Variants in TOX observed in about 807,000 individuals in gnomAD.
TOX encodes the protein thymocyte selection associated high mobility group box, also known as thymocyte selection-associated high mobility group box protein TOX.
TOX carries 11 observed loss-of-function variants against 53.7 expected under a neutral mutation model. That is an observed-to-expected ratio of 0.20 (90% CI 0.13 to 0.34). The LOEUF (loss-of-function observed/expected upper bound fraction) is 0.34, where lower values mean the gene tolerates loss of function less well. Ranked by LOEUF, TOX falls within the 10% of genes least tolerant of loss-of-function variation. The pLI is 1.00. For synonymous variants in TOX, 225 were observed against 245.3 expected, an observed-to-expected ratio of 0.92 and a Z score of 0.77; for missense variants, 570 against 664.6, an observed-to-expected ratio of 0.86 and a Z score of 1.56.
intron 1 of TOX, among the ~76,000 whole-genome samples, chr8:59,012,259 A>G (rs758557998): frequency 3.9e-5 from 6 of 152,128 alleles, no homozygotes; most frequent in Non-Finnish European, 7.4e-5. Flanking sequence ...TTAGTTTAGA[A>G]CCACAGTCAG....
intron 3 of TOX, among the ~76,000 whole-genome samples, chr8:58,868,316 G>T (rs986464076): frequency 2.6e-5 from 4 of 152,162 alleles, no homozygotes; most frequent in Non-Finnish European, 5.9e-5. Flanking sequence ...CATGCAAACA[G>T]ACTAATAGAA....
intron 3 of TOX, among the ~76,000 whole-genome samples, chr8:58,871,508 G>A (rs1298278499): frequency 1.3e-5 from 2 of 152,152 alleles, no homozygotes. Flanking sequence ...TCATTGAAAG[G>A]AGCAGGATAA....
intron 3 of TOX, among the ~76,000 whole-genome samples, chr8:58,925,724 A>T (rs1319798157): frequency 3.3e-5 from 5 of 152,158 alleles, no homozygotes; most frequent in African/African-American, 1.2e-4. Flanking sequence ...TCTGATTTCA[A>T]TATTCTTTCC....
chr8:59,070,652 G>T (rs967424128), intron 1 of TOX, among the ~76,000 whole-genome samples: 1 of 151,954 alleles, frequency 6.6e-6, no homozygotes, highest in Non-Finnish European at 1.5e-5. Context: ...AGAGAGATGC[G>T]TCCTCTACTA....
rs1479444221 is a variant in TOX, at chr8:59,117,384, G to T, written c.102+1502C>A. ...CCTTTCAACTTGCCCGTAGCTGAAGGGCTCCCTGTACAATGGAAGCCCTTC... is the reference window on the plus strand; with the variant it reads ...CCTTTCAACTTGCCCGTAGCTGAAGTGCTCCCTGTACAATGGAAGCCCTTC... On this transcript the variant is annotated intron_variant, in intron 1 of 8. Coordinates refer to ENST00000361421, the MANE Select transcript of TOX (RefSeq NM_014729.3). The surrounding 1 kb of genome is among the most constrained non-coding windows in gnomAD (Gnocchi z 4.6). Among the ~76,000 whole-genome samples the T allele has an allele frequency of 6.6e-6, 1 of 152,160 alleles. No homozygotes were observed. The highest frequency in any genetic ancestry group is 1.5e-5 in the Non-Finnish European group (1 of 68,028).
chr8:59,094,454 G>A (rs760827353), intron 1 of TOX, among the ~76,000 whole-genome samples: 43 of 152,100 alleles, frequency 2.8e-4, no homozygotes, highest in African/African-American at 8.9e-4. Flanking sequence ...CCTGGCCAAC[G>A]TAGTGAAACC....
intron 3 of TOX, among the ~76,000 whole-genome samples, chr8:58,898,527 G>C (rs186381276): frequency 2.7e-4 from 41 of 152,302 alleles, no homozygotes; most frequent in Admixed American, 2.2e-3. Context: ...TCTGGTAGCA[G>C]AGCATCATGC....
At chr8:59,043,385 G>A (rs1353421895) in intron 1 of TOX, among the ~76,000 whole-genome samples, 1 of 150,848 alleles carries the variant, frequency 6.6e-6, no homozygotes, top group Admixed American at 6.6e-5. Context: ...TTATTTTTAA[G>A]TATTTTTATT....
intron 1 of TOX, among the ~76,000 whole-genome samples, chr8:58,963,445 T>C (rs1812837967): frequency 6.6e-6 from 1 of 152,156 alleles, no homozygotes; most frequent in Non-Finnish European, 1.5e-5. Context: ...AAAATTACTA[T>C]CAGGATATTC....
chr8:59,044,465 TC>T (rs1175676855), intron 1 of TOX, among the ~76,000 whole-genome samples: 1 of 152,128 alleles, frequency 6.6e-6, no homozygotes, highest in Non-Finnish European at 1.5e-5. Flanking sequence ...CATCCACATT[TC>T]CACAGGCTAC....
At chr8:58,939,093 A>G (rs1255858774) in intron 3 of TOX, among the ~76,000 whole-genome samples, 3 of 152,248 alleles carry the variant, frequency 2.0e-5, no homozygotes, top group Non-Finnish European at 4.4e-5. Flanking sequence ...AATACGAGTG[A>G]CTGCACAAGT....
chr8:59,070,676 A>G (rs1056536048), intron 1 of TOX, among the ~76,000 whole-genome samples: 1 of 152,204 alleles, frequency 6.6e-6, no homozygotes, highest in Admixed American at 6.5e-5. Context: ...TCCAAGAGCA[A>G]CAAGAAAAGA....
chr8:58,982,394 C>T (rs1813223194), intron 1 of TOX, among the ~76,000 whole-genome samples: 1 of 152,204 alleles, frequency 6.6e-6, no homozygotes, highest in African/African-American at 2.4e-5. Flanking sequence ...CTCTGCCTAT[C>T]TCCATCTTTT....
At chr8:59,063,967 C>T (rs1804042469) in intron 1 of TOX, among the ~76,000 whole-genome samples, 1 of 151,896 alleles carries the variant, frequency 6.6e-6, no homozygotes, top group South Asian at 2.1e-4. Context: ...GCTATACCTT[C>T]CTCGAGGACC....
chr8:58,998,882 C>G (rs1813636053), intron 1 of TOX, among the ~76,000 whole-genome samples: 1 of 151,914 alleles, frequency 6.6e-6, no homozygotes, highest in Non-Finnish European at 1.5e-5. Context: ...GTTTCCTAAA[C>G]TCTCTGAATT....
Position 58,815,626 on chromosome 8 carries a change from G to T in TOX, c.1104C>A (p.Ala368=), listed in dbSNP as rs562866357. The T allele has an allele frequency of 6.2e-7, 1 of 1,614,150 alleles. No individual in the cohort carries two copies. The highest frequency in any genetic ancestry group is 1.1e-5 in the South Asian group (1 of 91,078). The part of the protein sequence containing the change: ...VFHGPSQAHS[A]LYLSSHYHQQ... The stretch of plus-strand genomic sequence containing the variant: ...GGTGATAGTGGGAACTTAGGTACAG[G>T]GCCGAGTGGGCCTGGCTGGGCCCAT... The change falls in exon 7 of 9, where the codon GCC becomes GCA. Residue 368 remains alanine, a synonymous_variant. Transcript: ENST00000361421.
intron 1 of TOX, among the ~76,000 whole-genome samples, chr8:59,014,925 A>G (rs1404589825): frequency 6.6e-6 from 1 of 152,242 alleles, no homozygotes; most frequent in African/African-American, 2.4e-5. Flanking sequence ...GCAGAAAAAG[A>G]CAATTCAAAT....
intron 1 of TOX, among the ~76,000 whole-genome samples, chr8:59,010,693 T>G (rs1388854336): frequency 1.3e-5 from 2 of 152,216 alleles, no homozygotes; most frequent in Non-Finnish European, 2.9e-5. Context: ...ATCATGAGGA[T>G]CACTAGGATA....
chr8:59,092,302 T>TTATA (rs1491303174), intron 1 of TOX, among the ~76,000 whole-genome samples: 7 of 104,630 alleles, frequency 6.7e-5, no homozygotes, highest in Non-Finnish European at 1.1e-4. Context: ...ATTATATATA[T>TTATA]TATATATTAT....
Sources: allele counts gnomAD v4.1 joint callset (sites outside exome capture counted in the v4.1 genomes callset), GRCh38; gene constraint gnomAD v4.1.1; non-coding constraint Gnocchi (gnomAD v3.1); transcripts MANE v1.5; gene names NCBI Gene and HGNC (gene_info 2026-07-23, HGNC 2026-07-21).